FGD6: variants seen among roughly 807,000 people sequenced by gnomAD.
The protein encoded by FGD6 is FYVE, RhoGEF and PH domain-containing protein 6.
In FGD6, 90 loss-of-function variants were observed where a neutral mutation model predicts 149.4. The observed-to-expected ratio is 0.60, with a 90% CI of 0.51 to 0.72. The LOEUF is 0.72. Among genes scored for constraint, FGD6 ranks in the 30% least tolerant of loss-of-function variants. The pLI, the probability that FGD6 is intolerant of heterozygous loss-of-function variation, is 0.00. For missense variants in FGD6, 1,437 were observed against 1,684.8 expected, an observed-to-expected ratio of 0.85 and a Z score of 2.57; for synonymous variants, 527 against 584.0, an observed-to-expected ratio of 0.90 and a Z score of 1.41.
intron 3 of FGD6, among the ~76,000 whole-genome samples, chr12:95,160,008 TA>T (rs1020202934): frequency 1.1e-3 from 142 of 134,850 alleles, no homozygotes; most frequent in Non-Finnish European, 1.1e-3. Context: ...ACCTGTCTCT[TA>T]AAAAAAAAAA....
chr12:95,142,478 T>C (rs975618351), intron 5 of FGD6, among the ~76,000 whole-genome samples: 1 of 151,972 alleles, frequency 6.6e-6, no homozygotes. Context: ...AGGTTTCACC[T>C]TGTTGCCCAG....
chr12:95,085,760 C>G lies in FGD6; in HGVS notation c.4107+20G>C, dbSNP rs1334240639. ...CATTACAAAACCCCAAATTACTCATCTTTAGATTTCAGATCTTACCTCACT... is the reference window on the plus strand; with the variant it reads ...CATTACAAAACCCCAAATTACTCATGTTTAGATTTCAGATCTTACCTCACT... On this transcript the variant is annotated intron_variant, in intron 19 of 20. Transcript: ENST00000343958. The G allele has an allele frequency of 1.3e-6, 2 of 1,585,368 alleles. No homozygotes were observed. Among genetic ancestry groups the G allele is most frequent in the South Asian group, 2.4e-5 (2 of 84,554 alleles).
chr12:95,187,850 C>G (rs569373587), intron 2 of FGD6, among the ~76,000 whole-genome samples: 1 of 152,252 alleles, frequency 6.6e-6, no homozygotes, highest in South Asian at 2.1e-4. Flanking sequence ...TGGTAGCTTA[C>G]TACTTGTACA....
chr12:95,213,569 A>G (rs950662563), intron 1 of FGD6, among the ~76,000 whole-genome samples: 2 of 152,232 alleles, frequency 1.3e-5, no homozygotes, highest in Non-Finnish European at 2.9e-5. Flanking sequence ...AGAAAACTTC[A>G]TCTCTCATCA....
chr12:95,174,937 A>AAAAAG (rs1455076392), intron 2 of FGD6, among the ~76,000 whole-genome samples: 2 of 151,264 alleles, frequency 1.3e-5, no homozygotes, highest in Middle Eastern at 3.2e-3. Flanking sequence ...CAAAAAAAAA[A>AAAAAG]AAAAAAAAAA....
chr12:95,101,903 G>A (rs958887462), intron 14 of FGD6, among the ~76,000 whole-genome samples: 1 of 151,652 alleles, frequency 6.6e-6, no homozygotes, highest in African/African-American at 2.4e-5. Context: ...GGATGGTCTC[G>A]ATCTCCTGAT....
chr12:95,142,431 C>T (rs1210169083), intron 5 of FGD6, among the ~76,000 whole-genome samples: 1 of 152,172 alleles, frequency 6.6e-6, no homozygotes, highest in Admixed American at 6.6e-5. Flanking sequence ...GTGTGACCCA[C>T]TGCACCCAGC....
chr12:95,110,353 A>G (rs543160706), intron 9 of FGD6, among the ~76,000 whole-genome samples: 22 of 114,698 alleles, frequency 1.9e-4, no homozygotes, highest in African/African-American at 6.2e-4. Flanking sequence ...CCCTGACTAT[A>G]TATCAGAATT....
intron 15 of FGD6, among the ~76,000 whole-genome samples, chr12:95,093,850 C>CAAAAAAAA (rs72490017): frequency 8.3e-4 from 103 of 123,478 alleles, no homozygotes; most frequent in African/African-American, 2.8e-3. Context: ...TCCATCTCAA[C>CAAAAAAAA]AAAAAAAAAA....
intron 8 of FGD6, among the ~76,000 whole-genome samples, chr12:95,119,279 A>G (rs754676540): frequency 1.4e-4 from 22 of 152,220 alleles, no homozygotes; most frequent in Non-Finnish European, 2.5e-4. Flanking sequence ...TCATTCCAAA[A>G]TATCATGAAA....
intron 18 of FGD6, 150 bp downstream of exon 18, chr12:95,089,419 A>C: frequency 1.0e-6 from 1 of 978,326 alleles, no homozygotes; most frequent in South Asian, 2.0e-5. Context: ...CAAGATTGTG[A>C]GGCATCAGCC....
At chr12:95,090,127 T>C (rs1244615883) in intron 17 of FGD6, among the ~76,000 whole-genome samples, 2 of 152,024 alleles carry the variant, frequency 1.3e-5, no homozygotes, top group African/African-American at 4.8e-5. Context: ...TGCAGAGGGT[T>C]CAGGGAAAGC....
intron 8 of FGD6, among the ~76,000 whole-genome samples, chr12:95,134,222 C>T (rs1369434154): frequency 1.3e-5 from 2 of 152,100 alleles, no homozygotes; most frequent in African/African-American, 2.4e-5. Context: ...CTCAGCCTCT[C>T]CAGTAGCTGG....
In FGD6 at chr12:95,186,901, A is replaced by G. The variant is rs142395034; in HGVS notation, c.2442-14157T>C. On this transcript the variant is annotated intron_variant, in intron 2 of 20. Coordinates refer to ENST00000343958, the MANE Select transcript of FGD6 (RefSeq NM_018351.4). Reference sequence around the variant, plus strand: ...TCCTCCATAAAATGAGGATCATAATATTGCCTACCTGACAGAATTTTGTGG... The same window carrying G: ...TCCTCCATAAAATGAGGATCATAATGTTGCCTACCTGACAGAATTTTGTGG... Among the ~76,000 whole-genome samples, 96 of 152,308 alleles carry G rather than the reference A, an allele frequency of 6.3e-4. 1 individual carries two copies. In the East Asian group the frequency reaches 0.017, roughly 28 times the overall value.
intron 9 of FGD6, among the ~76,000 whole-genome samples, chr12:95,108,946 T>G (rs1878723026): frequency 6.6e-6 from 1 of 152,186 alleles, no homozygotes. Flanking sequence ...CAGCCCAGTA[T>G]AAACTGTCTT....
At chr12:95,124,222 T>C (rs1248294147) in intron 8 of FGD6, among the ~76,000 whole-genome samples, 1 of 152,122 alleles carries the variant, frequency 6.6e-6, no homozygotes, top group African/African-American at 2.4e-5. Context: ...TGAGACTGCT[T>C]TTCTTAGTGG....
intron 2 of FGD6, among the ~76,000 whole-genome samples, chr12:95,178,473 C>T (rs1881192940): frequency 6.6e-6 from 1 of 152,136 alleles, no homozygotes; most frequent in South Asian, 2.1e-4. Context: ...ATCAATGCTT[C>T]AGTAATACGT....
chr12:95,122,523 G>A (rs1879221511), intron 8 of FGD6, among the ~76,000 whole-genome samples: 2 of 150,760 alleles, frequency 1.3e-5, no homozygotes, highest in East Asian at 4.0e-4. Flanking sequence ...GCTCATGTCT[G>A]TAATTCCAGC....
At position 95,137,512 on chromosome 12, in the gene FGD6, T is replaced by C. The variant is rs375172316; in HGVS notation, c.2994+10A>G. 6.4e-6 allele frequency: 10 copies of C among 1,558,686 alleles called. No homozygotes were observed. Among genetic ancestry groups the C allele is most frequent in the Admixed American group, 5.8e-5 (3 of 52,036 alleles). On this transcript the variant is annotated intron_variant, in intron 7 of 20. Coordinates refer to ENST00000343958, the MANE Select transcript of FGD6 (RefSeq NM_018351.4). Reference sequence around the variant, plus strand: ...AAGAGAAGTGTTCAACATTAGATAGTAGCAAATACCTCAAATTCTCTAACA... The same window carrying C: ...AAGAGAAGTGTTCAACATTAGATAGCAGCAAATACCTCAAATTCTCTAACA...
Sources: gnomAD v4.1 joint callset for allele counts (sites outside exome capture counted in the v4.1 genomes callset) on GRCh38, gnomAD v4.1.1 for gene constraint, MANE v1.5 for transcripts, NCBI Gene and HGNC (gene_info 2026-07-23, HGNC 2026-07-21) for gene names.